The following ZBTB7C variants were observed in gnomAD, a reference collection of about 807,000 sequenced individuals.
The protein encoded by ZBTB7C is zinc finger and BTB domain-containing protein 7C.
In ZBTB7C, 8 loss-of-function variants were observed where a neutral mutation model predicts 25.7. That is an observed-to-expected ratio of 0.31 (90% CI 0.18 to 0.56). The LOEUF is 0.56. Among genes scored for constraint, ZBTB7C ranks in the 20% least tolerant of loss-of-function variants. ZBTB7C has a pLI of 0.91. For synonymous variants in ZBTB7C, 394 were observed against 369.0 expected (o/e 1.07, Z -0.78); for missense variants, 824 against 855.2 (o/e 0.96, Z 0.46).
intron 2 of ZBTB7C, among the ~76,000 whole-genome samples, chr18:48,205,154 A>C (rs2042549461): frequency 6.6e-6 from 1 of 152,132 alleles, no homozygotes; most frequent in East Asian, 1.9e-4. Context: ...AGCACTCTGC[A>C]GAAGGGGTTA....
At chr18:48,403,428 T>C (rs558978766) in intron 1 of ZBTB7C, among the ~76,000 whole-genome samples, 1 of 152,368 alleles carries the variant, frequency 6.6e-6, no homozygotes, top group Admixed American at 6.5e-5. Flanking sequence ...ACAAGCTTCA[T>C]TTCTGCCTCT....
At chr18:48,137,080 C>A in intron 3 of ZBTB7C, 1 of 985,448 alleles carries the variant, frequency 1.0e-6, no homozygotes. Flanking sequence ...GGCTGGGAAT[C>A]CACGCGGCCG....
intron 1 of ZBTB7C, among the ~76,000 whole-genome samples, chr18:48,400,397 A>T (rs1419149600): frequency 6.6e-6 from 1 of 152,244 alleles, no homozygotes; most frequent in East Asian, 1.9e-4. Flanking sequence ...CATGCTACAA[A>T]TGGGGAAACA....
chr18:48,084,555 A>G (rs1405149443), intron 3 of ZBTB7C, among the ~76,000 whole-genome samples: 3 of 152,122 alleles, frequency 2.0e-5, no homozygotes, highest in African/African-American at 2.4e-5. Flanking sequence ...GACCCACAGT[A>G]TGCCTGTGAG....
At chr18:48,067,817 C>A (rs979368813) in intron 3 of ZBTB7C, among the ~76,000 whole-genome samples, 21 of 152,058 alleles carry the variant, frequency 1.4e-4, no homozygotes, top group Non-Finnish European at 2.6e-4. Context: ...GCCTGACCAA[C>A]ATGGAGAAAC....
In ZBTB7C at chr18:48,326,081, T is replaced by TACTCTACC. The variant is rs111620117; in HGVS notation, c.-79+12085_-79+12092dup. ...CACTTATCTGTTTATAGATAATGCA[T>TACTCTACC]ACTCTACCAACATCTTTTTTTTTTT... On this transcript the variant is annotated intron_variant, in intron 2 of 4. Coordinates refer to ENST00000590800, the MANE Select transcript of ZBTB7C (RefSeq NM_001318841.2). 5.4e-3 allele frequency among the ~76,000 whole-genome samples: 805 copies of TACTCTACC among 149,884 alleles called. 4 individuals carry two copies. The highest frequency in any genetic ancestry group is 0.019 in the African/African-American group (763 of 40,962).
chr18:48,041,401 T>G (rs2036235987), intron 3 of ZBTB7C: 1 of 985,448 alleles, frequency 1.0e-6, no homozygotes, highest in Middle Eastern at 5.2e-4. Flanking sequence ...TCTCTCAGGC[T>G]TGGTGTTACT....
intron 2 of ZBTB7C, among the ~76,000 whole-genome samples, chr18:48,329,370 T>C (rs2046294472): frequency 6.6e-6 from 1 of 152,202 alleles, no homozygotes; most frequent in African/African-American, 2.4e-5. Flanking sequence ...CAGAAGTGAT[T>C]AGTGACATGT....
intron 2 of ZBTB7C, among the ~76,000 whole-genome samples, chr18:48,262,700 C>A (rs940691681): frequency 2.6e-5 from 4 of 152,148 alleles, no homozygotes; most frequent in African/African-American, 9.7e-5. Context: ...AACACACAAC[C>A]ACTAACCCAA....
At chr18:48,269,560 A>C (rs973540644) in intron 2 of ZBTB7C, among the ~76,000 whole-genome samples, 2 of 152,252 alleles carry the variant, frequency 1.3e-5, no homozygotes, top group Non-Finnish European at 2.9e-5. Context: ...TAGAAGGTTC[A>C]GCATCAGGAG....
At chr18:48,234,469 T>G (rs1057199621) in intron 2 of ZBTB7C, among the ~76,000 whole-genome samples, 2 of 152,218 alleles carry the variant, frequency 1.3e-5, no homozygotes, top group African/African-American at 4.8e-5. Flanking sequence ...TCTTGTTTAG[T>G]TTTCCAGAAA....
Position 48,409,300 on chromosome 18 carries a change from C to G in ZBTB7C, c.-378G>C, listed in dbSNP as rs1017422334. On this transcript the variant is annotated 5_prime_UTR_variant, in exon 1 of 5. Coordinates refer to ENST00000590800, the MANE Select transcript of ZBTB7C (RefSeq NM_001318841.2). The stretch of plus-strand genomic sequence containing the variant: ...CAGTCCTGGCGTCCTCCTTCGCCGC[C>G]GGTGTCCGCCGGTCCCTGCGCGCCC... 6.7e-6 allele frequency: 1 copy of G among 149,256 alleles called. No individual in the cohort carries two copies. Among genetic ancestry groups the G allele is most frequent in the Non-Finnish European group, 1.5e-5 (1 of 66,900 alleles). The allele number at this position is 149,256 out of a possible 1,614,324, so 9.2% of individuals were successfully genotyped here.
chr18:48,044,265 G>T (rs1017691088), intron 3 of ZBTB7C, among the ~76,000 whole-genome samples: 2 of 152,228 alleles, frequency 1.3e-5, no homozygotes, highest in African/African-American at 4.8e-5. Flanking sequence ...ACCAGGGAAG[G>T]TGTCCCCAGG....
chr18:48,383,081 G>A (rs77633319), intron 1 of ZBTB7C, among the ~76,000 whole-genome samples: 1 of 152,100 alleles, frequency 6.6e-6, no homozygotes, highest in African/African-American at 2.4e-5. Flanking sequence ...GAGCAGAACT[G>A]GAGGTAACAG....
chr18:48,133,003 G>C (rs971532742), intron 3 of ZBTB7C, among the ~76,000 whole-genome samples: 3 of 152,312 alleles, frequency 2.0e-5, no homozygotes, highest in Non-Finnish European at 4.4e-5. Flanking sequence ...ATCATGTGCC[G>C]TATTATTAGG....
chr18:48,248,552 T>C (rs546421270), intron 2 of ZBTB7C, among the ~76,000 whole-genome samples: 4 of 152,226 alleles, frequency 2.6e-5, no homozygotes, highest in Non-Finnish European at 5.9e-5. Context: ...CCTCTGACTA[T>C]GCTTTATTTT....
chr18:48,221,059 G>T (rs1470303340), intron 2 of ZBTB7C, among the ~76,000 whole-genome samples: 1 of 146,400 alleles, frequency 6.8e-6, no homozygotes, highest in Non-Finnish European at 1.5e-5. Context: ...TACTGCCCTT[G>T]TCTCCTCTAT....
chr18:48,181,069 A>C (rs929063918), intron 3 of ZBTB7C, among the ~76,000 whole-genome samples: 5 of 152,338 alleles, frequency 3.3e-5, no homozygotes, highest in African/African-American at 1.2e-4. Context: ...GATTATGTTA[A>C]TTAATAAATG....
chr18:48,050,731 G>C (rs935904016), intron 3 of ZBTB7C, among the ~76,000 whole-genome samples: 6 of 152,050 alleles, frequency 3.9e-5, no homozygotes, highest in African/African-American at 1.4e-4. Flanking sequence ...TCTCATCCCA[G>C]TCACAGACAG....
Sources: allele counts gnomAD v4.1 joint callset (sites outside exome capture counted in the v4.1 genomes callset), GRCh38; gene constraint gnomAD v4.1.1; transcripts MANE v1.5; gene names NCBI Gene and HGNC (gene_info 2026-07-23, HGNC 2026-07-21).